Variants in ITPR1 observed in about 807,000 individuals in gnomAD.
ITPR1 encodes the protein inositol 1,4,5-trisphosphate receptor type 1, also known as inositol 1,4,5-trisphosphate-gated calcium channel ITPR1.
Under a neutral mutation model 318.4 loss-of-function variants are expected in ITPR1, and 96 were observed. The observed-to-expected ratio is 0.30, with a 90% CI of 0.26 to 0.36. ITPR1 has a LOEUF of 0.36. Among genes scored for constraint, ITPR1 ranks in the 10% least tolerant of loss-of-function variants. The probability of loss-of-function intolerance (pLI) is 1.00; values close to 1 mark genes in which losing one functional copy is unlikely to be tolerated. For missense variants in ITPR1, 2,440 were observed against 3,460.2 expected (o/e 0.71, Z 7.40); for synonymous variants, 1,312 against 1,289.9 (o/e 1.02, Z -0.37).
chr3:4,601,867 C>T lies in ITPR1; in HGVS notation c.164-25896C>T, dbSNP rs116457931. On this transcript the variant is annotated intron_variant, in intron 4 of 61. Transcript: ENST00000649015. ...CAGCTCAATAGTAAAAGACAAATAG[C>T]CCAATTTAAAAATAGGAAAAAGATT... Among the ~76,000 whole-genome samples, 343 of 152,080 alleles carry T rather than the reference C, an allele frequency of 2.3e-3. 1 individual carries two copies. Among genetic ancestry groups the T allele is most frequent in the Non-Finnish European group, 3.8e-3 (259 of 67,986 alleles).
rs190113423 is a variant in ITPR1, at chr3:4,799,371, A to G, written c.6932-1054A>G. Among the ~76,000 whole-genome samples the G allele has an allele frequency of 2.4e-3, 363 of 152,300 alleles. 2 individuals carry two copies. The highest frequency in any genetic ancestry group is 6.8e-3 in the Middle Eastern group (2 of 292). On this transcript the variant is annotated intron_variant, in intron 53 of 61. Coordinates refer to ENST00000649015, the MANE Select transcript of ITPR1 (RefSeq NM_001378452.1). ...CCCAATCAGCTTTGCCTTTTGAAGG[A>G]TTTCAAAAGGGAAGAGGTAAGTGGC...
At chr3:4,691,567 T>A (rs568163725) in intron 32 of ITPR1, among the ~76,000 whole-genome samples, 1 of 152,266 alleles carries the variant, frequency 6.6e-6, no homozygotes, top group Non-Finnish European at 1.5e-5. Flanking sequence ...TAAGGAAGGA[T>A]GGCTTGGATT....
At chr3:4,672,472 C>T (rs1012023555) in intron 20 of ITPR1, among the ~76,000 whole-genome samples, 1 of 152,150 alleles carries the variant, frequency 6.6e-6, no homozygotes, top group Non-Finnish European at 1.5e-5. Flanking sequence ...AAGCCTGTGG[C>T]TTTCTCGTTA....
rs1390251703 is a variant in ITPR1 at position 4,565,836 on chromosome 3, T to C, written c.163+44742T>C. Among the ~76,000 whole-genome samples, 3 of 152,340 alleles carry C rather than the reference T, an allele frequency of 2.0e-5. No individual in the cohort carries two copies. In the East Asian group the frequency reaches 5.8e-4, roughly 29 times the overall value. On this transcript the variant is annotated intron_variant, in intron 4 of 61. Coordinates refer to ENST00000649015, the MANE Select transcript of ITPR1 (RefSeq NM_001378452.1). ...AGAAATTTGGAGATGAATGTCCAAG[T>C]GGTTTGAAAAGCGATTTTCATGTTC...
rs1448699683 is a variant in ITPR1, at chr3:4,652,061, C to T, written c.856-62C>T. The stretch of plus-strand genomic sequence containing the variant: ...CCTGAACTATGACTTGTGATACCTC[C>T]GATTTAATGTCTTCCTAGTGTAGGT... On this transcript the variant is annotated intron_variant, in intron 10 of 61. Coordinates refer to ENST00000649015, the MANE Select transcript of ITPR1 (RefSeq NM_001378452.1). The T allele has an allele frequency of 1.4e-5, 18 of 1,264,324 alleles. 1 individual carries two copies. Among genetic ancestry groups the T allele is most frequent in the Middle Eastern group, 3.6e-4 (2 of 5,500 alleles). The allele number at this position is 1,264,324 out of a possible 1,614,324, so 78.3% of individuals were successfully genotyped here. A position where few individuals can be genotyped will look rare whatever the true frequency, so the allele number is the denominator to read the frequency against.
At chr3:4,749,337 C>T (rs987000330) in intron 44 of ITPR1, 1 of 152,186 alleles carries the variant, frequency 6.6e-6, no homozygotes, top group African/African-American at 2.4e-5. Context: ...TGACCACCTA[C>T]TGGTTCTGAT....
At chr3:4,680,026 G>A (rs1351144583) in intron 24 of ITPR1, among the ~76,000 whole-genome samples, 1 of 152,194 alleles carries the variant, frequency 6.6e-6, no homozygotes, top group Admixed American at 6.5e-5. Context: ...CCCTGTGTTG[G>A]AATAAAGGGT....
At chr3:4,739,587 C>A (rs2043549406) in intron 44 of ITPR1, among the ~76,000 whole-genome samples, 2 of 152,206 alleles carry the variant, frequency 1.3e-5, no homozygotes, top group African/African-American at 4.8e-5. Context: ...TTATGACTTA[C>A]TCAGAGTTCC....
At chr3:4,794,938 C>T (rs1559909249) in intron 52 of ITPR1, 127 bp from the exon 53 acceptor site, 10 of 1,028,126 alleles carry the variant, frequency 9.7e-6, no homozygotes, top group Non-Finnish European at 1.2e-5. Flanking sequence ...ATCATTTTTA[C>T]TCTTGTGGTA....
chr3:4,787,991 G>T lies in ITPR1; in HGVS notation c.6660G>T (p.Val2220=). ...DRTMEQIVFP[V]PSICEFLTKE... is the part of the protein sequence containing the mutation. The stretch of plus-strand genomic sequence containing the variant: ...CAATGGAACAGATAGTCTTTCCCGT[G>T]CCCAGCATATGTGAATTCCTAACCA... Residue 2220 remains valine, a synonymous_variant, in exon 52 of 62, where the codon GTG becomes GTT. Transcript: ENST00000649015. The T allele has an allele frequency of 6.2e-7, 1 of 1,612,792 alleles. No individual in the cohort carries two copies. Among genetic ancestry groups the T allele is most frequent in the Non-Finnish European group, 8.5e-7 (1 of 1,179,272 alleles).
At chr3:4,667,237 T>C (rs142771138) in intron 17 of ITPR1, 140 bp from the exon 18 acceptor site, 43 of 538,356 alleles carry the variant, frequency 8.0e-5, no homozygotes, top group African/African-American at 7.8e-4. Context: ...TAGAAAGTTG[T>C]AGGAAGACCC....
intron 33 of ITPR1, among the ~76,000 whole-genome samples, chr3:4,695,481 G>T (rs1329312596): frequency 6.6e-6 from 1 of 152,116 alleles, no homozygotes; most frequent in Non-Finnish European, 1.5e-5. Context: ...ATTATAAAGA[G>T]AACAGCTTTG....
intron 16 of ITPR1, among the ~76,000 whole-genome samples, chr3:4,663,715 G>C (rs904932549): frequency 6.6e-6 from 1 of 152,064 alleles, no homozygotes; most frequent in Non-Finnish European, 1.5e-5. Flanking sequence ...ATTTTCTATG[G>C]GTTTTGATAA....
At chr3:4,638,588 T>C (rs2093260245) in intron 5 of ITPR1, among the ~76,000 whole-genome samples, 1 of 152,238 alleles carries the variant, frequency 6.6e-6, no homozygotes, top group Non-Finnish European at 1.5e-5. Context: ...GAATACTATC[T>C]CTGCGACTTA....
chr3:4,662,723 AAAAT>A (rs1183958741), intron 15 of ITPR1, among the ~76,000 whole-genome samples: 1 of 152,184 alleles, frequency 6.6e-6, no homozygotes, highest in Non-Finnish European at 1.5e-5. Context: ...ACTCCATCTC[AAAAT>A]AATAATAATA....
At chr3:4,563,183 C>T (rs1312526978) in intron 4 of ITPR1, among the ~76,000 whole-genome samples, 1 of 152,060 alleles carries the variant, frequency 6.6e-6, no homozygotes, top group Admixed American at 6.5e-5. Context: ...TGTGTCTTGG[C>T]CCATGCACAC....
intron 41 of ITPR1, among the ~76,000 whole-genome samples, chr3:4,725,824 A>G (rs2042476696): frequency 6.6e-6 from 1 of 152,158 alleles, no homozygotes; most frequent in African/African-American, 2.4e-5. Flanking sequence ...TGGTTCTTTG[A>G]AAGTTCTCAC....
chr3:4,774,414 A>G (rs886804342), intron 46 of ITPR1, among the ~76,000 whole-genome samples: 1 of 152,198 alleles, frequency 6.6e-6, no homozygotes, highest in African/African-American at 2.4e-5. Flanking sequence ...TGTCCATTTA[A>G]TCTTTTCCTA....
chr3:4,578,834 C>T (rs568708151), intron 4 of ITPR1, among the ~76,000 whole-genome samples: 5 of 152,272 alleles, frequency 3.3e-5, no homozygotes, highest in African/African-American at 1.2e-4. Context: ...AACACACAAC[C>T]CTTACACTGG....
Sources: allele counts gnomAD v4.1 joint callset (sites outside exome capture counted in the v4.1 genomes callset), GRCh38; gene constraint gnomAD v4.1.1; transcripts MANE v1.5; gene names NCBI Gene and HGNC (gene_info 2026-07-23, HGNC 2026-07-21).